KCNQ1: variants seen among roughly 807,000 people sequenced by gnomAD.
KCNQ1 encodes the protein potassium voltage-gated channel subfamily Q member 1.
A neutral mutation model predicts 72.4 loss-of-function variants in KCNQ1; 49 were observed. The ratio of observed to expected loss-of-function variants is 0.68; its 90% CI spans 0.54 to 0.86. KCNQ1 has a LOEUF of 0.86. Among genes scored for constraint, KCNQ1 ranks in the 40% least tolerant of loss-of-function variants. The pLI is 0.00. For missense variants in KCNQ1, 790 were observed against 945.1 expected, an observed-to-expected ratio of 0.84 and a Z score of 2.15; for synonymous variants, 450 against 412.6, an observed-to-expected ratio of 1.09 and a Z score of -1.10.
chr11:2,528,701 A>G (rs1008823752), intron 2 of KCNQ1, among the ~76,000 whole-genome samples: 3 of 152,222 alleles, frequency 2.0e-5, no homozygotes, highest in Admixed American at 6.5e-5. Flanking sequence ...CTCCGTGGCC[A>G]GGCTTTTGTG....
At position 2,463,789 on chromosome 11, in the gene KCNQ1, G is replaced by T. The variant is rs1846312355; in HGVS notation, c.386+18305G>T. On this transcript the variant is annotated intron_variant, in intron 1 of 15. Coordinates refer to ENST00000155840, the MANE Select transcript of KCNQ1 (RefSeq NM_000218.3). The surrounding 1 kb of genome is among the most constrained non-coding windows in gnomAD (Gnocchi z 7.0). ...CTCACAAGACATTGCCCTGCGAGGGGGTCAGCCCTGAAGCCGGATGGCCCG... is the reference window on the plus strand; with the variant it reads ...CTCACAAGACATTGCCCTGCGAGGGTGTCAGCCCTGAAGCCGGATGGCCCG... 6.6e-6 allele frequency among the ~76,000 whole-genome samples: 1 copy of T among 152,242 alleles called. No homozygotes were observed. The highest frequency in any genetic ancestry group is 1.5e-5 in the Non-Finnish European group (1 of 68,042).
rs1420235773 is a variant in KCNQ1 at position 2,682,339 on chromosome 11, G to A, written c.1514+20258G>A. On this transcript the variant is annotated intron_variant, in intron 11 of 15. Transcript: ENST00000155840. This position sits in a 1 kb window ranked among gnomAD's most constrained non-coding sequence, Gnocchi z 5.8. ...ATGTGTAACTGTGTGTTTATTTGTGGTAAAGGGTTTACTGGCTGGCTCCTT... is the reference window on the plus strand; with the variant it reads ...ATGTGTAACTGTGTGTTTATTTGTGATAAAGGGTTTACTGGCTGGCTCCTT... The A allele has an allele frequency of 7.5e-6, 3 of 398,498 alleles. No homozygotes were observed. Among genetic ancestry groups the A allele is most frequent in the Non-Finnish European group, 8.8e-6 (2 of 226,078 alleles). 24.7% of individuals were successfully genotyped at this position (398,498 alleles called of 1,614,324 possible).
In KCNQ1 at chr11:2,453,590, G is replaced by A. The variant is rs1565026482; in HGVS notation, c.386+8106G>A. Among the ~76,000 whole-genome samples the A allele has an allele frequency of 2.0e-5, 3 of 152,252 alleles. No individual in the cohort carries two copies. In the South Asian group the frequency reaches 6.2e-4, roughly 31 times the overall value. On this transcript the variant is annotated intron_variant, in intron 1 of 15. Transcript: ENST00000155840. ...GTGCCGCCTTCACTCCTGGCGAGAGGGGTGTCGAGGAAAATGTCACTGAGG... is the reference window on the plus strand; with the variant it reads ...GTGCCGCCTTCACTCCTGGCGAGAGAGGTGTCGAGGAAAATGTCACTGAGG...
At chr11:2,738,341 G>A (rs566515903) in intron 11 of KCNQ1, among the ~76,000 whole-genome samples, 1 of 152,072 alleles carries the variant, frequency 6.6e-6, no homozygotes, top group East Asian at 1.9e-4. Context: ...ATCAAGGAAG[G>A]CTCTCTGAGG....
chr11:2,743,139 A>G lies in KCNQ1; in HGVS notation c.1515-25705A>G, dbSNP rs376289577. On this transcript the variant is annotated intron_variant, in intron 11 of 15. Coordinates refer to ENST00000155840, the MANE Select transcript of KCNQ1 (RefSeq NM_000218.3). ...CAATTGGGCAGATCTGGGCCTGGAG[A>G]CCCAGTTGTCATGTTTGAGAGGGAA... is the stretch of plus-strand genomic sequence containing the variant. 9.2e-5 allele frequency among the ~76,000 whole-genome samples: 14 copies of G among 152,202 alleles called. No individual in the cohort carries two copies. In the East Asian group the frequency reaches 1.7e-3, roughly 19 times the overall value.
chr11:2,732,877 C>T (rs1845878566), intron 11 of KCNQ1, among the ~76,000 whole-genome samples: 1 of 152,104 alleles, frequency 6.6e-6, no homozygotes, highest in South Asian at 2.1e-4. Flanking sequence ...CCCCATGGGC[C>T]CCAGCCCCAT....
chr11:2,716,579 G>A (rs370138779), intron 11 of KCNQ1, among the ~76,000 whole-genome samples: 7 of 152,232 alleles, frequency 4.6e-5, no homozygotes, highest in Non-Finnish European at 7.3e-5. Context: ...GTTAGGACAC[G>A]CAGCTTCAGT....
rs1848212473 is a variant in KCNQ1, at chr11:2,564,071, C to T, written c.478-6557C>T. Among the ~76,000 whole-genome samples the T allele has an allele frequency of 6.6e-6, 1 of 152,268 alleles. No individual in the cohort carries two copies. Among genetic ancestry groups the T allele is most frequent in the South Asian group, 2.1e-4 (1 of 4,836 alleles). Reference sequence around the variant, plus strand: ...CGCCACGGGCCAGGGCCCCTCGAGGCACTCATTTCAGTATCAGAGAACACA... The same window carrying T: ...CGCCACGGGCCAGGGCCCCTCGAGGTACTCATTTCAGTATCAGAGAACACA... On this transcript the variant is annotated intron_variant, in intron 2 of 15. Transcript: ENST00000155840. This position sits in a 1 kb window ranked among gnomAD's most constrained non-coding sequence, Gnocchi z 4.5.
At position 2,698,733 on chromosome 11, in the gene KCNQ1, C is replaced by T. The variant is rs1053096318; in HGVS notation, c.1514+36652C>T. 2.5e-5 allele frequency: 10 copies of T among 398,812 alleles called. No individual in the cohort carries two copies. Among genetic ancestry groups the T allele is most frequent in the African/African-American group, 2.1e-4 (10 of 48,582 alleles). 24.7% of individuals were successfully genotyped at this position (398,812 alleles called of 1,614,324 possible). A position where few individuals can be genotyped will look rare whatever the true frequency, so the allele number is the denominator to read the frequency against. On this transcript the variant is annotated intron_variant, in intron 11 of 15. Transcript: ENST00000155840. The surrounding 1 kb of genome is among the most constrained non-coding windows in gnomAD (Gnocchi z 5.1). ...TGACTCCAGTCGCCAACTCGGACCT[C>T]CCTTGGATCTCAACTCAGAGCCATG...
In KCNQ1 at chr11:2,447,381, G is replaced by A. The variant is rs1317424238; in HGVS notation, c.386+1897G>A. Among the ~76,000 whole-genome samples, 2 of 152,070 alleles carry A rather than the reference G, an allele frequency of 1.3e-5. No individual in the cohort carries two copies. Among genetic ancestry groups the A allele is most frequent in the African/African-American group, 2.4e-5 (1 of 41,370 alleles). ...CTGGGGCTGGTCCTTTCCAGTTCTG[G>A]GTCCTGTCCTTGTAAGACGTGTGCC... On this transcript the variant is annotated intron_variant, in intron 1 of 15. Transcript: ENST00000155840. This position sits in a 1 kb window ranked among gnomAD's most constrained non-coding sequence, Gnocchi z 7.6.
chr11:2,687,853 G>T lies in KCNQ1; in HGVS notation c.1514+25772G>T, dbSNP rs1381156964. ...TCCAGGCCAAACTCTGGTTCCTGAG[G>T]AGCCTCAAAGGCTGGACTTGGGGTG... On this transcript the variant is annotated intron_variant, in intron 11 of 15. Coordinates refer to ENST00000155840, the MANE Select transcript of KCNQ1 (RefSeq NM_000218.3). This position sits in a 1 kb window ranked among gnomAD's most constrained non-coding sequence, Gnocchi z 5.0. 1 of 398,620 alleles carries T rather than the reference G, an allele frequency of 2.5e-6. No homozygotes were observed. The highest frequency in any genetic ancestry group is 4.4e-6 in the Non-Finnish European group (1 of 226,156). The allele number at this position is 398,620 out of a possible 1,614,324, so 24.7% of individuals were successfully genotyped here. A position where few individuals can be genotyped will look rare whatever the true frequency, so the allele number is the denominator to read the frequency against.
chr11:2,827,220 G>T lies in KCNQ1; in HGVS notation c.1795-20547G>T, dbSNP rs1357942335. ...TCTTGGTTCAGCTGCTGCTGAGACA[G>T]TGACCCTGGGGACAGCCCAAATAAG... On this transcript the variant is annotated intron_variant, in intron 15 of 15. Coordinates refer to ENST00000155840, the MANE Select transcript of KCNQ1 (RefSeq NM_000218.3). The surrounding 1 kb of genome is among the most constrained non-coding windows in gnomAD (Gnocchi z 6.7). Among the ~76,000 whole-genome samples, 1 of 152,324 alleles carries T rather than the reference G, an allele frequency of 6.6e-6. No individual in the cohort carries two copies. Among genetic ancestry groups the T allele is most frequent in the Admixed American group, 6.5e-5 (1 of 15,310 alleles).
At chr11:2,646,362 A>T (rs896066140) in intron 10 of KCNQ1, 1 of 398,502 alleles carries the variant, frequency 2.5e-6, no homozygotes, top group African/African-American at 2.1e-5. Flanking sequence ...AAAATTTTGT[A>T]GCCTCTTCAA....
intron 1 of KCNQ1, among the ~76,000 whole-genome samples, chr11:2,489,986 C>T (rs1435247305): frequency 6.6e-6 from 1 of 152,180 alleles, no homozygotes; most frequent in Non-Finnish European, 1.5e-5. Context: ...TGATTCCAGG[C>T]CTTGGCTCTT....
Position 2,624,049 on chromosome 11 carries a change from T to G in KCNQ1, c.1393+35195T>G, listed in dbSNP as rs1019682559. 3 of 399,262 alleles carry G rather than the reference T, an allele frequency of 7.5e-6. No individual in the cohort carries two copies. The East Asian group carries it at 1.1e-4, about 14-fold the overall frequency. The allele number at this position is 399,262 out of a possible 1,614,324, so 24.7% of individuals were successfully genotyped here. On this transcript the variant is annotated intron_variant, in intron 10 of 15. Transcript: ENST00000155840. This position sits in a 1 kb window ranked among gnomAD's most constrained non-coding sequence, Gnocchi z 4.9. ...ATTCCCACCAGCAATGGATGAGTGT[T>G]CCTGTTGCCCCACATATTGGCAAGT...
rs1849231186 is a variant in KCNQ1 at position 2,624,517 on chromosome 11, CTATGT to C, written c.1393+35667_1393+35671del. On this transcript the variant is annotated intron_variant, in intron 10 of 15. Coordinates refer to ENST00000155840, the MANE Select transcript of KCNQ1 (RefSeq NM_000218.3). The surrounding 1 kb of genome is among the most constrained non-coding windows in gnomAD (Gnocchi z 4.9). ...AACTAAAGATCATCTAGATTTCTTC[CTATGT>C]TATCTTCTGGGATTTCTATTTGTTG... is the stretch of plus-strand genomic sequence containing the variant. 2.5e-6 allele frequency: 1 copy of C among 398,302 alleles called. No individual in the cohort carries two copies. The highest frequency in any genetic ancestry group is 2.1e-5 in the African/African-American group (1 of 48,600). 24.7% of individuals were successfully genotyped at this position (398,302 alleles called of 1,614,324 possible). A position where few individuals can be genotyped will look rare whatever the true frequency, so the allele number is the denominator to read the frequency against.
intron 11 of KCNQ1, among the ~76,000 whole-genome samples, chr11:2,747,492 TG>T (rs1411351246): frequency 6.6e-6 from 1 of 152,208 alleles, no homozygotes; most frequent in Non-Finnish European, 1.5e-5. Flanking sequence ...TGGCCTGGGC[TG>T]GGGCTGCCCC....
rs1397348974 is a variant in KCNQ1 at position 2,690,723 on chromosome 11, T to C, written c.1514+28642T>C. The C allele has an allele frequency of 7.5e-6, 3 of 398,476 alleles. No homozygotes were observed. Among genetic ancestry groups the C allele is most frequent in the Non-Finnish European group, 1.3e-5 (3 of 226,068 alleles). 24.7% of individuals were successfully genotyped at this position (398,476 alleles called of 1,614,324 possible). The stretch of plus-strand genomic sequence containing the variant: ...CTGAGGGCTTTCCATTTGATCCCAG[T>C]GGTTGAAGATGGAGTATGATCCCAA... On this transcript the variant is annotated intron_variant, in intron 11 of 15. Coordinates refer to ENST00000155840, the MANE Select transcript of KCNQ1 (RefSeq NM_000218.3). The surrounding 1 kb of genome is among the most constrained non-coding windows in gnomAD (Gnocchi z 5.1).
At chr11:2,614,298 T>C in intron 10 of KCNQ1, 1 of 398,630 alleles carries the variant, frequency 2.5e-6, no homozygotes, top group Non-Finnish European at 4.4e-6. Context: ...ATATAGAGTC[T>C]TCTTTTTCTG....
Sources: allele counts gnomAD v4.1 joint callset (sites outside exome capture counted in the v4.1 genomes callset), GRCh38; gene constraint gnomAD v4.1.1; non-coding constraint Gnocchi (gnomAD v3.1); transcripts MANE v1.5; gene names NCBI Gene and HGNC (gene_info 2026-07-23, HGNC 2026-07-21).